The following PCDH15 variants were observed in gnomAD, a reference collection of about 807,000 sequenced individuals.
The protein encoded by PCDH15 is protocadherin related 15.
PCDH15 carries 129 observed loss-of-function variants against 178.5 expected under a neutral mutation model. The observed-to-expected ratio is 0.72, with a 90% CI of 0.63 to 0.84. The LOEUF is 0.84. Ranked by LOEUF, PCDH15 falls within the 40% of genes least tolerant of loss-of-function variation. PCDH15 has a pLI of 0.00. For synonymous variants in PCDH15, 800 were observed against 732.0 expected, an observed-to-expected ratio of 1.09 and a Z score of -1.50; for missense variants, 2,230 against 2,099.9, an observed-to-expected ratio of 1.06 and a Z score of -1.21.
chr10:54,391,640 T>A (rs1185417681), intron 3 of PCDH15, among the ~76,000 whole-genome samples: 1 of 151,278 alleles, frequency 6.6e-6, no homozygotes, highest in Non-Finnish European at 1.5e-5. Flanking sequence ...ACATGAGCCA[T>A]GTTTAGAAAA....
chr10:54,875,541 C>T (rs1954125107), intron 3 of PCDH15, among the ~76,000 whole-genome samples: 1 of 152,020 alleles, frequency 6.6e-6, no homozygotes, highest in Non-Finnish European at 1.5e-5. Context: ...CCTGTAAATA[C>T]TAAAGAAGTT....
rs1845203581 is a variant in PCDH15, at chr10:55,360,567, TAAAAG to T, written c.-155-193921_-155-193917del. On this transcript the variant is annotated intron_variant, in intron 2 of 5. Transcript: ENST00000613346. ...TTGGGGAATTTGAGCCTGCAATTCA[TAAAAG>T]AGAATACCCAAATGGATAATACACA... Among the ~76,000 whole-genome samples the T allele has an allele frequency of 3.3e-5, 5 of 151,934 alleles. No individual in the cohort carries two copies. In the South Asian group the frequency reaches 1.0e-3, roughly 31 times the overall value.
intron 2 of PCDH15, among the ~76,000 whole-genome samples, chr10:55,070,930 C>G (rs559794713): frequency 3.3e-5 from 5 of 152,110 alleles, no homozygotes; most frequent in South Asian, 2.1e-4. Flanking sequence ...TCTTCCATTT[C>G]TTTGTATCCT....
intron 18 of PCDH15, among the ~76,000 whole-genome samples, chr10:54,062,471 G>A (rs2094050222): frequency 6.6e-6 from 1 of 151,862 alleles, no homozygotes; most frequent in East Asian, 1.9e-4. Flanking sequence ...ATTAATATAT[G>A]ATATAATTAT....
At chr10:54,559,281 G>A (rs2087736622) in intron 2 of PCDH15, among the ~76,000 whole-genome samples, 1 of 151,962 alleles carries the variant, frequency 6.6e-6, no homozygotes, top group Non-Finnish European at 1.5e-5. Flanking sequence ...GCTCCTGTGA[G>A]TCTGAAAAAT....
At chr10:55,030,302 G>A (rs1339737663) in intron 2 of PCDH15, among the ~76,000 whole-genome samples, 2 of 152,158 alleles carry the variant, frequency 1.3e-5, no homozygotes, top group Admixed American at 1.3e-4. Flanking sequence ...GAGGGCTGAG[G>A]AATCATACAG....
At chr10:54,240,821 C>T (rs968392395) in intron 8 of PCDH15, among the ~76,000 whole-genome samples, 1 of 151,542 alleles carries the variant, frequency 6.6e-6, no homozygotes, top group Non-Finnish European at 1.5e-5. Context: ...TTAGGAGAGA[C>T]GGGGTTTCAC....
chr10:55,341,257 T>G (rs1447963771), intron 2 of PCDH15, among the ~76,000 whole-genome samples: 1 of 151,964 alleles, frequency 6.6e-6, no homozygotes, highest in Non-Finnish European at 1.5e-5. Flanking sequence ...ATATACACAT[T>G]TATCCTATGT....
chr10:54,229,453 TAACTA>T (rs1439269707), intron 9 of PCDH15, among the ~76,000 whole-genome samples: 1 of 152,152 alleles, frequency 6.6e-6, no homozygotes, highest in Non-Finnish European at 1.5e-5. Context: ...TAGCTATCAT[TAACTA>T]AATGATATGG....
chr10:55,388,636 A>T (rs1837720118), intron 2 of PCDH15, among the ~76,000 whole-genome samples: 1 of 152,250 alleles, frequency 6.6e-6, no homozygotes, highest in South Asian at 2.1e-4. Context: ...TTTATTAGAA[A>T]CTGATTAATA....
chr10:55,199,439 T>C (rs965685351), intron 1 of PCDH15, among the ~76,000 whole-genome samples: 1 of 151,910 alleles, frequency 6.6e-6, no homozygotes. Flanking sequence ...TAAAAGCCAA[T>C]GCTCATTTAA....
chr10:55,509,062 A>G, intron 2 of PCDH15, among the ~76,000 whole-genome samples: 1 of 151,822 alleles, frequency 6.6e-6, no homozygotes, highest in East Asian at 1.9e-4. Flanking sequence ...ATGCAAATAC[A>G]TGACAGACAG....
intron 37 of PCDH15, chr10:53,809,022 A>G (rs1374244672): frequency 1.3e-6 from 2 of 1,593,314 alleles, no homozygotes; most frequent in African/African-American, 2.7e-5. Context: ...CCTCTTTCCT[A>G]CCCTTGACTT....
intron 2 of PCDH15, among the ~76,000 whole-genome samples, chr10:55,152,514 G>C (rs956232116): frequency 1.3e-5 from 2 of 152,166 alleles, no homozygotes; most frequent in African/African-American, 2.4e-5. Flanking sequence ...TGAGGTCATA[G>C]AGCAGATAAA....
chr10:54,356,377 A>T (rs1944975849), intron 5 of PCDH15, among the ~76,000 whole-genome samples: 1 of 152,046 alleles, frequency 6.6e-6, no homozygotes, highest in African/African-American at 2.4e-5. Context: ...AGACTAAAAA[A>T]ATTGAAAACT....
Position 53,807,021 on chromosome 10 carries a change from C to A in PCDH15, c.4781G>T (p.Ser1594Ile), listed in dbSNP as rs766639357. ...ATTGCCGTTGATATTACTGTGGATA[C>A]TAGGATGGTGAAGACGGTTTCTCTG... ...ECQRNRLHHPSIHSNINGNIY... is the reference protein window; with the variant it reads ...ECQRNRLHHPIIHSNINGNIY... The change falls in exon 38 of 38, where the codon AGT becomes ATT. Residue 1594 changes from serine (S) to isoleucine (I), a missense_variant. By Grantham distance (142) the Ser-to-Ile change is moderately radical. Transcript: ENST00000644397. 1 of 1,613,564 alleles carries A rather than the reference C, an allele frequency of 6.2e-7. No homozygotes were observed. The highest frequency in any genetic ancestry group is 8.5e-7 in the Non-Finnish European group (1 of 1,179,764).
At chr10:54,394,987 C>T (rs534682013) in intron 3 of PCDH15, among the ~76,000 whole-genome samples, 5 of 152,214 alleles carry the variant, frequency 3.3e-5, no homozygotes, top group Admixed American at 2.6e-4. Context: ...CGAACAATTG[C>T]TGTTATCCTG....
intron 3 of PCDH15, among the ~76,000 whole-genome samples, chr10:54,864,484 CTT>C (rs1953900794): frequency 6.6e-6 from 1 of 151,996 alleles, no homozygotes; most frequent in African/African-American, 2.4e-5. Context: ...TACAGGGAAA[CTT>C]ATATCAAGGA....
intron 8 of PCDH15, among the ~76,000 whole-genome samples, chr10:54,257,976 C>A (rs962278479): frequency 6.6e-6 from 1 of 152,072 alleles, no homozygotes; most frequent in African/African-American, 2.4e-5. Context: ...TGACCTACTG[C>A]ATGATGTCCA....
Sources: gnomAD v4.1 joint callset for allele counts (sites outside exome capture counted in the v4.1 genomes callset) on GRCh38, gnomAD v4.1.1 for gene constraint, MANE v1.5 for transcripts, NCBI Gene and HGNC (gene_info 2026-07-23, HGNC 2026-07-21) for gene names.